SPATA31H1: variants seen among roughly 807,000 people sequenced by gnomAD.
SPATA31H1 encodes SPATA31 subfamily H member 1.
At chr2:27,549,610 G>T in the SPATA31H1 span, among the ~76,000 whole-genome samples, 1 of 151,784 alleles carries the variant, frequency 6.6e-6, no homozygotes, top group Non-Finnish European at 1.5e-5. Flanking sequence ...AGGAGTTCAA[G>T]ACCAGCCTGG....
At chr2:27,577,619 G>T in the SPATA31H1 span, 1 of 1,614,140 alleles carries the variant, frequency 6.2e-7, no homozygotes, top group Non-Finnish European at 8.5e-7. This position sits in a 1 kb window ranked among gnomAD's most constrained non-coding sequence, Gnocchi z 4.5. Flanking sequence ...CTGCTTCAGG[G>T]ATGACACCTG....
At chr2:27,550,410 A>C in the SPATA31H1 span, among the ~76,000 whole-genome samples, 200 of 144,602 alleles carry the variant, frequency 1.4e-3, 4 homozygotes, top group Admixed American at 0.01. Context: ...ATGGGTGTTA[A>C]ATTTTTTTTT....
the SPATA31H1 span, among the ~76,000 whole-genome samples, chr2:27,549,663 T>G: frequency 1.3e-5 from 2 of 151,562 alleles, no homozygotes; most frequent in Non-Finnish European, 2.9e-5. Context: ...TACAAAAAAT[T>G]AGTCTGGCAT....
chr2:27,576,837 A>G, the SPATA31H1 span: 1 of 1,614,136 alleles, frequency 6.2e-7, no homozygotes, highest in Non-Finnish European at 8.5e-7. Context: ...GCAAACTATA[A>G]AATCTGTGGA....
At chr2:27,539,254 G>A in the SPATA31H1 span, among the ~76,000 whole-genome samples, 28 of 149,924 alleles carry the variant, frequency 1.9e-4, no homozygotes, top group Middle Eastern at 3.4e-3. Context: ...AGGACCCTGC[G>A]GCCTTCCGGC....
the SPATA31H1 span, chr2:27,537,612 C>G: frequency 1.4e-6 from 1 of 707,922 alleles, no homozygotes; most frequent in Non-Finnish European, 2.6e-6. Context: ...TGGTCCCGCT[C>G]CTGAGGCCAT....
At chr2:27,560,748 G>A in the SPATA31H1 span, among the ~76,000 whole-genome samples, 5 of 152,104 alleles carry the variant, frequency 3.3e-5, no homozygotes, top group African/African-American at 7.2e-5. Flanking sequence ...GTGAGCCACC[G>A]CGCCCAGCCT....
chr2:27,559,687 G>T, the SPATA31H1 span, among the ~76,000 whole-genome samples: 1 of 151,932 alleles, frequency 6.6e-6, no homozygotes, highest in Non-Finnish European at 1.5e-5. Flanking sequence ...TTAAATATAT[G>T]TGCTTATCCA....
the SPATA31H1 span, chr2:27,568,611 C>T: frequency 2.5e-6 from 1 of 398,852 alleles, no homozygotes; most frequent in Non-Finnish European, 4.4e-6. Context: ...GGTCCTACCA[C>T]CAGAGTTTCA....
the SPATA31H1 span, chr2:27,566,687 C>T: frequency 3.7e-4 from 191 of 518,286 alleles, no homozygotes; most frequent in South Asian, 2.0e-3. Context: ...CCACTTTTTT[C>T]GTTTTCCTAT....
At chr2:27,570,835 A>T in the SPATA31H1 span, 1 of 398,870 alleles carries the variant, frequency 2.5e-6, no homozygotes. Context: ...CCAAGCCTTG[A>T]AGCTGAAGTT....
chr2:27,578,542 T>C, the SPATA31H1 span: 2 of 1,614,014 alleles, frequency 1.2e-6, no homozygotes, highest in Non-Finnish European at 1.7e-6. Context: ...TGTACTCAAG[T>C]GAAGTCTGCA....
the SPATA31H1 span, chr2:27,579,738 T>A: frequency 6.2e-7 from 1 of 1,614,198 alleles, no homozygotes; most frequent in Admixed American, 1.7e-5. Context: ...ACAGAGTGAT[T>A]CCCAGACAAG....
At chr2:27,540,293 G>A in the SPATA31H1 span, among the ~76,000 whole-genome samples, 1 of 127,146 alleles carries the variant, frequency 7.9e-6, no homozygotes, top group Non-Finnish European at 1.7e-5. Context: ...CTCCCTCCCG[G>A]ACGGGGCGGC....
the SPATA31H1 span, among the ~76,000 whole-genome samples, chr2:27,562,052 T>A: frequency 6.6e-6 from 1 of 152,198 alleles, no homozygotes; most frequent in African/African-American, 2.4e-5. Flanking sequence ...TGGGACTCCC[T>A]TTATTATAAT....
At chr2:27,546,683 TCACCACA>T in the SPATA31H1 span, among the ~76,000 whole-genome samples, 2 of 151,784 alleles carry the variant, frequency 1.3e-5, no homozygotes, top group African/African-American at 4.9e-5. Flanking sequence ...GTGACATGCT[TCACCACA>T]CCTGGCTAAT....
the SPATA31H1 span, chr2:27,537,524 C>CCAGGA: frequency 1.4e-6 from 1 of 717,244 alleles, no homozygotes; most frequent in Non-Finnish European, 2.6e-6. Context: ...ACACTGTTTT[C>CCAGGA]CAGGAATCGG....
At chr2:27,543,405 G>A in the SPATA31H1 span, among the ~76,000 whole-genome samples, 3 of 151,696 alleles carry the variant, frequency 2.0e-5, no homozygotes, top group African/African-American at 7.3e-5. Flanking sequence ...TTTTTCTTCT[G>A]TAACAAGTGA....
the SPATA31H1 span, among the ~76,000 whole-genome samples, chr2:27,556,341 T>C: frequency 6.6e-6 from 1 of 151,406 alleles, no homozygotes; most frequent in Non-Finnish European, 1.5e-5. Context: ...CACAGCAAAA[T>C]TGAGCAGAAA....
Sources: gnomAD v4.1 joint callset for allele counts (sites outside exome capture counted in the v4.1 genomes callset) on GRCh38, gnomAD v4.1.1 for gene constraint, Gnocchi (gnomAD v3.1) non-coding constraint, MANE v1.5 for transcripts, NCBI Gene and HGNC (gene_info 2026-07-23, HGNC 2026-07-21) for gene names.